MRC2: variants seen among roughly 807,000 people sequenced by gnomAD.
MRC2 encodes mannose receptor C-type 2, also known as C-type mannose receptor 2.
Under a neutral mutation model 206.2 loss-of-function variants are expected in MRC2, and 84 were observed. That is an observed-to-expected ratio of 0.41 (90% confidence interval 0.34 to 0.49). MRC2 has a LOEUF of 0.49. MRC2 is among the 20% of genes least tolerant of loss of function. The probability of loss-of-function intolerance (pLI) is 0.31; values close to 1 mark genes in which losing one functional copy is unlikely to be tolerated. For missense variants in MRC2, 1,676 were observed against 2,001.5 expected (o/e 0.84, Z 3.10); for synonymous variants, 798 against 800.0 (o/e 1.00, Z 0.04).
At chr17:62,673,797 A>G (rs994991503) in intron 8 of MRC2, among the ~76,000 whole-genome samples, 7 of 152,206 alleles carry the variant, frequency 4.6e-5, no homozygotes, top group African/African-American at 1.7e-4. Flanking sequence ...GGCATGAGCC[A>G]CCGCGCCGGG....
chr17:62,630,072 T>A (rs1245718607), intron 1 of MRC2, among the ~76,000 whole-genome samples: 1 of 152,212 alleles, frequency 6.6e-6, no homozygotes, highest in Non-Finnish European at 1.5e-5. Flanking sequence ...ATTACCGCAT[T>A]TCTGGAGCAT....
intron 2 of MRC2, among the ~76,000 whole-genome samples, 163 bp from the exon 3 acceptor site, chr17:62,665,931 A>G (rs1253081515): frequency 6.6e-6 from 1 of 152,200 alleles, no homozygotes; most frequent in Non-Finnish European, 1.5e-5. Context: ...CAACAGCAGA[A>G]GAAGCCTTAA....
rs1342007872 is a variant in MRC2 at position 62,667,542 on chromosome 17, G to A, written c.1117+9G>A. ...CGAGCCCACCCCTCCAGGTGAGCCA[G>A]GGACTGTGCCGCAGGGTGGGGAGGG... is the stretch of plus-strand genomic sequence containing the variant. On this transcript the variant is annotated intron_variant, in intron 6 of 29. Coordinates refer to ENST00000303375, the MANE Select transcript of MRC2 (RefSeq NM_006039.5). The surrounding 1 kb of genome is among the most constrained non-coding windows in gnomAD (Gnocchi z 4.1). 1.2e-6 allele frequency: 2 copies of A among 1,607,494 alleles called. No homozygotes were observed. The highest frequency in any genetic ancestry group is 2.2e-5 in the East Asian group (1 of 44,502).
intron 1 of MRC2, among the ~76,000 whole-genome samples, chr17:62,656,990 A>G (rs928296826): frequency 6.6e-6 from 1 of 152,172 alleles, no homozygotes; most frequent in Non-Finnish European, 1.5e-5. Context: ...GGAAAGCTTT[A>G]TGTGTTCCAG....
At position 62,664,121 on chromosome 17, in the gene MRC2, G is replaced by A. The variant is rs865859606; in HGVS notation, c.119-427G>A. On this transcript the variant is annotated intron_variant, in intron 1 of 29. Transcript: ENST00000303375. This position sits in a 1 kb window ranked among gnomAD's most constrained non-coding sequence, Gnocchi z 4.7. The stretch of plus-strand genomic sequence containing the variant: ...ACTACAGGCGCCCGCCACTACGCCC[G>A]GCTAATTTTTTGTATTTTTAGTAGA... 2.6e-5 allele frequency among the ~76,000 whole-genome samples: 4 copies of A among 151,678 alleles called. No individual in the cohort carries two copies. Among genetic ancestry groups the A allele is most frequent in the Non-Finnish European group, 1.5e-5 (1 of 67,906 alleles).
chr17:62,661,557 T>G (rs1165853777), intron 1 of MRC2: 2 of 146,006 alleles, frequency 1.4e-5, no homozygotes, highest in Admixed American at 1.4e-4. Flanking sequence ...TCTCTTTCTT[T>G]CTTTCTCCTT....
chr17:62,679,817 T>A lies in MRC2; in HGVS notation c.2213T>A (p.Ile738Asn), dbSNP rs756516056. The A allele has an allele frequency of 6.2e-7, 1 of 1,613,962 alleles. No individual in the cohort carries two copies. Among genetic ancestry groups the A allele is most frequent in the Non-Finnish European group, 8.5e-7 (1 of 1,179,994 alleles). Residue 738 changes from isoleucine to asparagine, a missense_variant, in exon 14 of 30, where the codon ATC becomes AAC. Ile to Asn is a moderately radical substitution (Grantham distance 149). Transcript: ENST00000303375. ...TGCTGAAGTGAATCAGAACCCGAGA[T>A]CCACGAGCAGCACTGGTTCTGGATC... is the stretch of plus-strand genomic sequence containing the variant. ...NKIFGESEPE[I>N]HEQHWFWIGL...
At chr17:62,670,293 C>CG (rs1555678487) in intron 6 of MRC2, among the ~76,000 whole-genome samples, 1 of 152,220 alleles carries the variant, frequency 6.6e-6, no homozygotes, top group Non-Finnish European at 1.5e-5. Flanking sequence ...TGAGGCCCCT[C>CG]GGGTCTCAGC....
chr17:62,644,521 C>G (rs1568051541), intron 1 of MRC2, among the ~76,000 whole-genome samples: 3 of 152,202 alleles, frequency 2.0e-5, no homozygotes, highest in Non-Finnish European at 4.4e-5. Context: ...GGCAACATAG[C>G]AAGACCCCAT....
At chr17:62,657,671 G>A (rs2088634015) in intron 1 of MRC2, among the ~76,000 whole-genome samples, 1 of 150,098 alleles carries the variant, frequency 6.7e-6, no homozygotes, top group African/African-American at 2.4e-5. Context: ...CTCTCTGGAT[G>A]GGGGTGGGGG....
intron 6 of MRC2, among the ~76,000 whole-genome samples, chr17:62,669,552 C>T (rs2088800761): frequency 6.6e-6 from 1 of 151,410 alleles, no homozygotes; most frequent in Non-Finnish European, 1.5e-5. Context: ...TTTTTTGAAA[C>T]AGAGTCTCGC....
chr17:62,667,372 G>A lies in MRC2; in HGVS notation c.974-18G>A, dbSNP rs1274106121. 4.4e-6 allele frequency: 7 copies of A among 1,578,962 alleles called. No homozygotes were observed. The highest frequency in any genetic ancestry group is 6.0e-6 in the Non-Finnish European group (7 of 1,163,856). On this transcript the variant is annotated intron_variant, in intron 5 of 29. Coordinates refer to ENST00000303375, the MANE Select transcript of MRC2 (RefSeq NM_006039.5). This position sits in a 1 kb window ranked among gnomAD's most constrained non-coding sequence, Gnocchi z 4.1. The stretch of plus-strand genomic sequence containing the variant: ...AGCTTCTCTCTCCGGGGGTGCTGGC[G>A]CCCTGCCCTCCCCACAGACCAGCCG...
chr17:62,676,188 A>T (rs1006046808), intron 10 of MRC2, among the ~76,000 whole-genome samples, 195 bp from the exon 11 acceptor site: 1 of 152,196 alleles, frequency 6.6e-6, no homozygotes, highest in Admixed American at 6.5e-5. Context: ...TTCTCAGCAA[A>T]GCAAGGGGTG....
intron 1 of MRC2, among the ~76,000 whole-genome samples, chr17:62,656,112 T>C (rs2088616480): frequency 1.3e-5 from 2 of 152,096 alleles, no homozygotes; most frequent in Non-Finnish European, 2.9e-5. Context: ...AGTGGTGCAA[T>C]CTCAGCTCAC....
At chr17:62,640,431 A>G (rs1257490964) in intron 1 of MRC2, among the ~76,000 whole-genome samples, 3 of 152,126 alleles carry the variant, frequency 2.0e-5, no homozygotes, top group African/African-American at 7.2e-5. Context: ...TGCTTTCCTG[A>G]GGCTTGCGTT....
chr17:62,688,942 A>G lies in MRC2; in HGVS notation c.3316A>G (p.Ile1106Val), dbSNP rs1332029447. The G allele has an allele frequency of 2.5e-6, 4 of 1,613,684 alleles. No homozygotes were observed. The highest frequency in any genetic ancestry group is 1.1e-5 in the South Asian group (1 of 91,034). Residue 1106 changes from isoleucine to valine, a missense_variant, in exon 23 of 30, where the codon ATC (isoleucine) becomes GTC (valine). By Grantham distance (29) the Ile-to-Val change is conservative (BLOSUM62 3). Around this residue, in one of 3 missense-constraint regions of MRC2, gnomAD observed 1,354 missense variants for 1,636.6 expected, o/e 0.83. Transcript: ENST00000303375. ...RSCTEETHGF[I>V]CQKGTDPSLS... The stretch of plus-strand genomic sequence containing the variant: ...CTGCACGGAGGAGACCCATGGCTTC[A>G]TCTGCCAGAAGGGCACGGGTATGTG...
intron 19 of MRC2, 117 bp downstream of exon 19, chr17:62,682,054 A>G (rs2088974540): frequency 4.4e-6 from 5 of 1,134,154 alleles, no homozygotes; most frequent in Non-Finnish European, 6.3e-6. Flanking sequence ...AACCCAATAA[A>G]GGCTAGACTC....
chr17:62,639,917 G>C (rs1198967440), intron 1 of MRC2, among the ~76,000 whole-genome samples: 1 of 151,274 alleles, frequency 6.6e-6, no homozygotes, highest in South Asian at 2.1e-4. Context: ...GCAATGGCTC[G>C]ATCTTGGCTC....
chr17:62,679,076 G>A (rs959081964), intron 13 of MRC2, among the ~76,000 whole-genome samples: 2 of 152,154 alleles, frequency 1.3e-5, no homozygotes, highest in African/African-American at 2.4e-5. Context: ...AAAGGCCGCA[G>A]CTATGAGGAT....
Sources: allele counts gnomAD v4.1 joint callset (sites outside exome capture counted in the v4.1 genomes callset), GRCh38; gene constraint gnomAD v4.1.1; regional missense constraint gnomAD v4.1.1; non-coding constraint Gnocchi (gnomAD v3.1); transcripts MANE v1.5; gene names NCBI Gene and HGNC (gene_info 2026-07-23, HGNC 2026-07-21).